KIF6: variants seen among roughly 807,000 people sequenced by gnomAD.
KIF6 encodes kinesin-like protein KIF6.
KIF6 carries 106 observed loss-of-function variants against 112.7 expected under a neutral mutation model. The ratio of observed to expected loss-of-function variants is 0.94; its 90% CI spans 0.80 to 1.11. The LOEUF is 1.11. Ranked by LOEUF, KIF6 falls within the 50% of genes least tolerant of loss-of-function variation. The pLI is 0.00. For missense variants in KIF6, 929 were observed against 964.0 expected (o/e 0.96, Z 0.48); for synonymous variants, 339 against 339.9 (o/e 1.00, Z 0.03).
chr6:39,637,802 T>C (rs1458684034), intron 4 of KIF6, among the ~76,000 whole-genome samples: 1 of 152,028 alleles, frequency 6.6e-6, no homozygotes, highest in Admixed American at 6.6e-5. Flanking sequence ...TGAAAATATG[T>C]TCATTTACAA....
chr6:39,598,081 G>T (rs879488510), intron 6 of KIF6, among the ~76,000 whole-genome samples: 48 of 152,128 alleles, frequency 3.2e-4, no homozygotes, highest in Non-Finnish European at 5.6e-4. Context: ...CAGCTACTTG[G>T]GAGGCTGAGG....
chr6:39,524,647 C>T (rs1238751156), intron 13 of KIF6, among the ~76,000 whole-genome samples: 6 of 152,166 alleles, frequency 3.9e-5, no homozygotes, highest in African/African-American at 1.4e-4. Flanking sequence ...GTAGAAAGGC[C>T]CTGTCCCCAG....
chr6:39,646,877 CAGTT>C (rs1000531668), intron 3 of KIF6, among the ~76,000 whole-genome samples: 40 of 152,308 alleles, frequency 2.6e-4, no homozygotes, highest in Middle Eastern at 3.4e-3. Flanking sequence ...AAGTGAAACT[CAGTT>C]ATTTTGAAAT....
chr6:39,346,232 C>T (rs1763794792), intron 20 of KIF6: 2 of 619,822 alleles, frequency 3.2e-6, no homozygotes, highest in South Asian at 3.5e-5. Context: ...TCAGCAGGAA[C>T]TAAATCTGCT....
intron 7 of KIF6, among the ~76,000 whole-genome samples, chr6:39,587,812 T>C (rs1781716502): frequency 6.6e-6 from 1 of 152,146 alleles, no homozygotes; most frequent in African/African-American, 2.4e-5. Context: ...TACAATTACC[T>C]CCTCTCTCTT....
At chr6:39,553,530 T>G (rs1002034725) in intron 10 of KIF6, among the ~76,000 whole-genome samples, 1 of 152,176 alleles carries the variant, frequency 6.6e-6, no homozygotes, top group Non-Finnish European at 1.5e-5. Flanking sequence ...GGTACTTCTG[T>G]TTACAGAATT....
chr6:39,515,130 C>G (rs1777000593), intron 13 of KIF6, among the ~76,000 whole-genome samples: 1 of 152,162 alleles, frequency 6.6e-6, no homozygotes, highest in African/African-American at 2.4e-5. Flanking sequence ...GAAAACATTT[C>G]AATTATGAGG....
intron 13 of KIF6, among the ~76,000 whole-genome samples, chr6:39,515,819 G>A (rs1777055363): frequency 6.6e-6 from 1 of 152,106 alleles, no homozygotes; most frequent in South Asian, 2.1e-4. Context: ...AGCAGTAGGA[G>A]AATATCTAAA....
intron 16 of KIF6, among the ~76,000 whole-genome samples, chr6:39,370,266 C>T (rs531401732): frequency 1.3e-5 from 2 of 152,314 alleles, no homozygotes; most frequent in South Asian, 4.1e-4. Flanking sequence ...TCTCAGGATG[C>T]ATATGATCTT....
At chr6:39,477,160 T>A (rs990438442) in intron 13 of KIF6, among the ~76,000 whole-genome samples, 1 of 151,988 alleles carries the variant, frequency 6.6e-6, no homozygotes, top group Non-Finnish European at 1.5e-5. Flanking sequence ...TAGAGCTGCA[T>A]GAAGATTTCA....
At chr6:39,544,738 A>G in intron 11 of KIF6, 45 bp from the exon 12 acceptor site, 2 of 1,244,680 alleles carry the variant, frequency 1.6e-6, no homozygotes, top group South Asian at 3.0e-5. Context: ...TCTAGTCCAA[A>G]TTTCTTTGTT....
intron 19 of KIF6, among the ~76,000 whole-genome samples, chr6:39,356,047 T>C (rs1448242122): frequency 2.1e-5 from 3 of 143,640 alleles, no homozygotes; most frequent in Non-Finnish European, 3.1e-5. Context: ...CTCGGTGGTG[T>C]GTCTCCCTAG....
chr6:39,707,793 T>C (rs1182508696), intron 3 of KIF6, among the ~76,000 whole-genome samples: 1 of 152,210 alleles, frequency 6.6e-6, no homozygotes, highest in Non-Finnish European at 1.5e-5. Flanking sequence ...TTGTTTCTTT[T>C]CATCTTTAAA....
intron 16 of KIF6, among the ~76,000 whole-genome samples, chr6:39,382,458 T>C (rs1031062104): frequency 2.0e-5 from 3 of 152,208 alleles, no homozygotes; most frequent in Non-Finnish European, 4.4e-5. Flanking sequence ...TTTGGGATAA[T>C]GGCCTGCAGC....
chr6:39,659,702 T>C (rs1430235082), intron 3 of KIF6, among the ~76,000 whole-genome samples: 2 of 152,192 alleles, frequency 1.3e-5, no homozygotes, highest in African/African-American at 4.8e-5. Flanking sequence ...AAGAAGGACA[T>C]GTTTGCTTCG....
At position 39,348,657 on chromosome 6, in the gene KIF6, A is replaced by G. The variant is rs144732282; in HGVS notation, c.2181-2131T>C. On this transcript the variant is annotated intron_variant, in intron 19 of 22. Coordinates refer to ENST00000287152, the MANE Select transcript of KIF6 (RefSeq NM_145027.6). ...ATCAGAATGAAGTATCTTCCTTAAT[A>G]AGGATTAATAAGCCATATTAATAGT... is the stretch of plus-strand genomic sequence containing the variant. Among the ~76,000 whole-genome samples the G allele has an allele frequency of 5.2e-3, 798 of 152,276 alleles. 3 individuals carry two copies. The highest frequency in any genetic ancestry group is 0.01 in the Middle Eastern group (3 of 294).
intron 6 of KIF6, among the ~76,000 whole-genome samples, chr6:39,607,836 T>C (rs1582258980): frequency 6.6e-6 from 1 of 152,242 alleles, no homozygotes; most frequent in East Asian, 1.9e-4. Context: ...TAATTATATA[T>C]AACTAACATA....
chr6:39,555,167 C>T (rs1054390768), intron 10 of KIF6, among the ~76,000 whole-genome samples: 4 of 152,146 alleles, frequency 2.6e-5, no homozygotes, highest in Non-Finnish European at 5.9e-5. Context: ...CACCATGAAG[C>T]CAAAGTGTTT....
In KIF6 at chr6:39,449,339, C is replaced by T. The variant is rs530632548; in HGVS notation, c.1646-18178G>A. The stretch of plus-strand genomic sequence containing the variant: ...CGTCATCTGGTCCCTGGCTACATCC[C>T]TCCCTCTTCATGCCACACCCAGGTA... On this transcript the variant is annotated intron_variant, in intron 13 of 22. Transcript: ENST00000287152. 2.0e-5 allele frequency among the ~76,000 whole-genome samples: 3 copies of T among 152,350 alleles called. No individual in the cohort carries two copies. The East Asian group carries it at 5.8e-4, about 29-fold the overall frequency.
Sources: allele counts gnomAD v4.1 joint callset (sites outside exome capture counted in the v4.1 genomes callset), GRCh38; gene constraint gnomAD v4.1.1; transcripts MANE v1.5; gene names NCBI Gene and HGNC (gene_info 2026-07-23, HGNC 2026-07-21).